ZNF667: variants seen among roughly 807,000 people sequenced by gnomAD.
ZNF667 encodes the protein myocardial ischemic preconditioning upregulated 1 ortholog.
ZNF667 carries 13 observed loss-of-function variants against 31.8 expected under a neutral mutation model. The observed-to-expected ratio is 0.41, with a 90% CI of 0.27 to 0.65. The LOEUF is 0.65. Among genes scored for constraint, ZNF667 ranks in the 30% least tolerant of loss-of-function variants. The probability of loss-of-function intolerance (pLI) is 0.32; values close to 1 mark genes in which losing one functional copy is unlikely to be tolerated. For missense variants in ZNF667, 642 were observed against 725.6 expected, an observed-to-expected ratio of 0.88 and a Z score of 1.32; for synonymous variants, 228 against 247.1, an observed-to-expected ratio of 0.92 and a Z score of 0.73.
At chr19:56,457,108 G>T (rs2042947912) in intron 6 of ZNF667, among the ~76,000 whole-genome samples, 2 of 152,044 alleles carry the variant, frequency 1.3e-5, no homozygotes, top group Non-Finnish European at 2.9e-5. Context: ...GAAACTCAAT[G>T]AATGCTACTT....
intron 6 of ZNF667, among the ~76,000 whole-genome samples, chr19:56,456,589 C>G (rs1006681721): frequency 2.0e-5 from 3 of 152,154 alleles, no homozygotes; most frequent in South Asian, 2.1e-4. Context: ...AGAGCTCCCC[C>G]TCTGTGACTC....
intron 3 of ZNF667, among the ~76,000 whole-genome samples, chr19:56,466,433 G>A (rs1265666330): frequency 6.6e-6 from 1 of 152,144 alleles, no homozygotes; most frequent in African/African-American, 2.4e-5. Context: ...GTGGGCACAT[G>A]ATCAATGTCC....
At position 56,442,579 on chromosome 19, in the gene ZNF667, G is replaced by A; in HGVS notation, c.416C>T (p.Ser139Leu). 6.2e-7 allele frequency: 1 copy of A among 1,614,088 alleles called. No homozygotes were observed. The highest frequency in any genetic ancestry group is 8.5e-7 in the Non-Finnish European group (1 of 1,179,988). The change falls in exon 7 of 7, where the codon TCA becomes TTA. Residue 139 changes from serine (S) to leucine (L), a missense_variant. Physicochemically the swap from Ser to Leu is moderately radical, Grantham distance 145. Transcript: ENST00000504904. Reference sequence around the variant, plus strand: ...ATTACATTTTAAAGGTTTCTTCCCTGAATGCCCTTTCTTAGGTTTTACTAG... The same window carrying A: ...ATTACATTTTAAAGGTTTCTTCCCTAAATGCCCTTTCTTAGGTTTTACTAG... ...SVLVKPKKGHSGKKPLKCNDC... is the reference protein window; with the variant it reads ...SVLVKPKKGHLGKKPLKCNDC...
Position 56,442,150 on chromosome 19 carries a change from TTA to T in ZNF667, c.843_844del (p.His281GlnfsTer3). 6.2e-7 allele frequency: 1 copy of T among 1,613,502 alleles called. No homozygotes were observed. Among genetic ancestry groups the T allele is most frequent in the Non-Finnish European group, 8.5e-7 (1 of 1,179,800 alleles). ...GAAGCCTCTCCCACATTTATTATAT[TTA>T]TGTGTTTTCTTTCCATTGTGAATTT... is the stretch of plus-strand genomic sequence containing the variant. On this transcript the variant is annotated frameshift_variant, in exon 7 of 7. Coordinates refer to ENST00000504904, the MANE Select transcript of ZNF667 (RefSeq NM_001321356.2). LOFTEE classifies it low-confidence loss of function (END_TRUNC).
chr19:56,462,859 A>G (rs1029536476), intron 3 of ZNF667, among the ~76,000 whole-genome samples: 2 of 152,190 alleles, frequency 1.3e-5, no homozygotes, highest in Non-Finnish European at 2.9e-5. Context: ...TGCTATGAAG[A>G]ATAAACAGGC....
chr19:56,463,569 C>G (rs2043098689), intron 3 of ZNF667, among the ~76,000 whole-genome samples: 1 of 152,018 alleles, frequency 6.6e-6, no homozygotes, highest in Non-Finnish European at 1.5e-5. Flanking sequence ...GCTCTGTTGC[C>G]CAGGCGGGAA....
chr19:56,441,500 A>G lies in ZNF667; in HGVS notation c.1495T>C (p.Tyr499His). The G allele has an allele frequency of 6.2e-7, 1 of 1,614,198 alleles. No homozygotes were observed. Residue 499 changes from tyrosine (Y) to histidine (H), a missense_variant, in exon 7 of 7, where the codon TAT (tyrosine) becomes CAT (histidine). Coordinates refer to ENST00000504904, the MANE Select transcript of ZNF667 (RefSeq NM_001321356.2). This position sits in a 1 kb window ranked among gnomAD's most constrained non-coding sequence, Gnocchi z 4.2. Reference protein sequence around the residue: ...HKRIHTEDRPYECDQCGKAFS... With the variant: ...HKRIHTEDRPHECDQCGKAFS... Reference sequence around the variant, plus strand: ...GCCTTCCCACACTGATCACATTCATAGGGTCTATCTTCAGTATGAATTCTC... The same window carrying G: ...GCCTTCCCACACTGATCACATTCATGGGGTCTATCTTCAGTATGAATTCTC...
intron 3 of ZNF667, among the ~76,000 whole-genome samples, chr19:56,466,832 A>C (rs1036632704): frequency 6.6e-6 from 1 of 152,222 alleles, no homozygotes; most frequent in African/African-American, 2.4e-5. Context: ...TTGATAGCAC[A>C]AACAGCCCTA....
intron 3 of ZNF667, among the ~76,000 whole-genome samples, chr19:56,463,682 C>G (rs544607296): frequency 3.0e-4 from 46 of 152,144 alleles, no homozygotes; most frequent in African/African-American, 1.1e-3. Context: ...CACCTGCCAC[C>G]ACACTCAGCT....
At chr19:56,446,115 A>C (rs541651592) in intron 6 of ZNF667, among the ~76,000 whole-genome samples, 2 of 152,264 alleles carry the variant, frequency 1.3e-5, no homozygotes, top group Non-Finnish European at 2.9e-5. Flanking sequence ...GGCTCACATT[A>C]TATTTCTATT....
In ZNF667 at chr19:56,442,480, A is replaced by G; in HGVS notation, c.515T>C (p.Phe172Ser). The change falls in exon 7 of 7, where the codon TTT becomes TCT. Residue 172 changes from phenylalanine to serine, a missense_variant. Transcript: ENST00000504904. ...AGCTTTTCTACAATTACTGCATTCA[A>G]AAGGCTTCTCTCCTGTATGAATGTT... The part of the protein sequence containing the change: ...HQNIHTGEKP[F>S]ECSNCRKAFR... 1.9e-6 allele frequency: 3 copies of G among 1,613,824 alleles called. No homozygotes were observed. The highest frequency in any genetic ancestry group is 1.7e-5 in the Admixed American group (1 of 59,980).
At chr19:56,451,251 G>T (rs2042815735) in intron 6 of ZNF667, among the ~76,000 whole-genome samples, 1 of 151,820 alleles carries the variant, frequency 6.6e-6, no homozygotes, top group Admixed American at 6.6e-5. Context: ...AATGCTAAAA[G>T]GATCAATTCA....
At chr19:56,447,515 T>C (rs893999439) in intron 6 of ZNF667, among the ~76,000 whole-genome samples, 1 of 149,384 alleles carries the variant, frequency 6.7e-6, no homozygotes, top group African/African-American at 2.5e-5. Context: ...AGCCCAGGAG[T>C]TTAAGGTTGC....
chr19:56,449,290 A>G (rs1440216883), intron 6 of ZNF667: 1 of 439,258 alleles, frequency 2.3e-6, no homozygotes, highest in Admixed American at 2.5e-5. Flanking sequence ...ACCATCCGGG[A>G]AAACATGACC....
chr19:56,456,544 T>C (rs1029759921), intron 6 of ZNF667, among the ~76,000 whole-genome samples: 6 of 152,314 alleles, frequency 3.9e-5, no homozygotes, highest in East Asian at 1.9e-4. Context: ...GCTGGTGATA[T>C]GACAATTCTT....
At position 56,440,800 on chromosome 19, in the gene ZNF667, C is replaced by G; in HGVS notation, c.*362G>C. 1 of 656,510 alleles carries G rather than the reference C, an allele frequency of 1.5e-6. No individual in the cohort carries two copies. The highest frequency in any genetic ancestry group is 1.9e-5 in the African/African-American group (1 of 51,434). 40.7% of individuals were successfully genotyped at this position (656,510 alleles called of 1,614,324 possible). ...TACAGGTGCGCACCACCACGCCCAG[C>G]TAATTTTGTATTTTTTAGTAGAGAC... On this transcript the variant is annotated 3_prime_UTR_variant, in exon 7 of 7. Transcript: ENST00000504904.
In ZNF667 at chr19:56,440,499, A is replaced by T; in HGVS notation, c.*663T>A. 1.3e-6 allele frequency: 1 copy of T among 763,950 alleles called. No homozygotes were observed. The highest frequency in any genetic ancestry group is 1.6e-6 in the Non-Finnish European group (1 of 627,808). The allele number at this position is 763,950 out of a possible 1,614,324, so 47.3% of individuals were successfully genotyped here. ...GAAGTTCCTTATATTTGATAATTCT[A>T]GATCTGAGAAACAGACTCAAATTCT... On this transcript the variant is annotated 3_prime_UTR_variant, in exon 7 of 7. Transcript: ENST00000504904.
In ZNF667 at chr19:56,441,193, T is replaced by C. The variant is rs1224555712; in HGVS notation, c.1802A>G (p.His601Arg). 2 of 1,612,344 alleles carry C rather than the reference T, an allele frequency of 1.2e-6. No individual in the cohort carries two copies. The highest frequency in any genetic ancestry group is 1.7e-6 in the Non-Finnish European group (2 of 1,178,538). The stretch of plus-strand genomic sequence containing the variant: ...TTTTTCTTCAGAATGTGTATTCTGA[T>C]GTCGAATCAGGGATGAACTCCGACT... The part of the protein sequence containing the change: ...AYSRSSSLIR[H>R]QNTHSEEKA The change falls in exon 7 of 7, where the codon CAT becomes CGT. Residue 601 changes from histidine to arginine, a missense_variant. Coordinates refer to ENST00000504904, the MANE Select transcript of ZNF667 (RefSeq NM_001321356.2). The surrounding 1 kb of genome is among the most constrained non-coding windows in gnomAD (Gnocchi z 4.2).
At chr19:56,454,981 A>G (rs2042903175) in intron 6 of ZNF667, among the ~76,000 whole-genome samples, 1 of 152,144 alleles carries the variant, frequency 6.6e-6, no homozygotes, top group African/African-American at 2.4e-5. Flanking sequence ...ACTATATAGG[A>G]AAAAAATGTA....
Sources: gnomAD v4.1 joint callset for allele counts (sites outside exome capture counted in the v4.1 genomes callset) on GRCh38, gnomAD v4.1.1 for gene constraint, Gnocchi (gnomAD v3.1) non-coding constraint, MANE v1.5 for transcripts, NCBI Gene and HGNC (gene_info 2026-07-23, HGNC 2026-07-21) for gene names.